PVT1: variants seen among roughly 807,000 people sequenced by gnomAD.
PVT1 encodes Pvt1 oncogene.
At chr8:128,040,746 TTGTG>T (rs766803375) in intron 4 of PVT1, among the ~76,000 whole-genome samples, 6 of 151,908 alleles carry the variant, frequency 3.9e-5, no homozygotes, top group South Asian at 2.1e-4. Context: ...GTGTGAGTGC[TTGTG>T]TGTGTGTATG....
chr8:128,006,125 A>AATG (rs1817243911), intron 4 of PVT1, among the ~76,000 whole-genome samples: 1 of 134,316 alleles, frequency 7.4e-6, no homozygotes, highest in Non-Finnish European at 1.6e-5. Flanking sequence ...TAATAATAAT[A>AATG]ATAATAATAA....
intron 3 of PVT1, among the ~76,000 whole-genome samples, chr8:127,910,071 A>G (rs1815872929): frequency 6.6e-6 from 1 of 152,026 alleles, no homozygotes; most frequent in African/African-American, 2.4e-5. Context: ...AGTGGGGTGC[A>G]GGGAAGGGCC....
intron 2 of PVT1, among the ~76,000 whole-genome samples, chr8:127,852,941 G>A (rs1270620551): frequency 6.6e-6 from 1 of 152,226 alleles, no homozygotes; most frequent in African/African-American, 2.4e-5. Flanking sequence ...TCAGGAAACA[G>A]TGGCTGAGTG....
intron 2 of PVT1, among the ~76,000 whole-genome samples, chr8:127,821,679 G>C (rs1359756945): frequency 6.6e-6 from 1 of 152,080 alleles, no homozygotes. Context: ...GGGCATGGTG[G>C]TGGGCGCCTG....
intron 3 of PVT1, among the ~76,000 whole-genome samples, chr8:127,912,171 A>C (rs1422544991): frequency 6.6e-6 from 1 of 152,240 alleles, no homozygotes; most frequent in Non-Finnish European, 1.5e-5. Context: ...AGCTCAGCCC[A>C]CTGTGCAGAA....
intron 3 of PVT1, among the ~76,000 whole-genome samples, chr8:127,958,445 G>T (rs757206721): frequency 1.3e-5 from 2 of 152,144 alleles, no homozygotes; most frequent in African/African-American, 2.4e-5. Flanking sequence ...TCACCGTGTT[G>T]CCCAGGCTGG....
At chr8:127,979,308 C>T (rs1816858162) in intron 3 of PVT1, among the ~76,000 whole-genome samples, 1 of 152,212 alleles carries the variant, frequency 6.6e-6, no homozygotes, top group African/African-American at 2.4e-5. Context: ...GCTCACTACC[C>T]TTGCTTGTTG....
chr8:128,100,186 C>T (rs1384433703), intron 6 of PVT1, among the ~76,000 whole-genome samples: 3 of 143,590 alleles, frequency 2.1e-5, no homozygotes, highest in Admixed American at 1.5e-4. Flanking sequence ...TTCCTTCCCT[C>T]CTTCCCGAAA....
intron 4 of PVT1, among the ~76,000 whole-genome samples, chr8:128,040,964 T>C (rs562471926): frequency 2.0e-4 from 30 of 151,918 alleles, no homozygotes; most frequent in African/African-American, 7.2e-4. Flanking sequence ...GGTGTGTTTG[T>C]GTGCATATGT....
Position 127,861,041 on chromosome 8 carries a change from A to G in PVT1, n.373-29548A>G, listed in dbSNP as rs550232708. Among the ~76,000 whole-genome samples the G allele has an allele frequency of 2.7e-3, 414 of 151,952 alleles. 2 individuals are homozygous for G. The highest frequency in any genetic ancestry group is 4.6e-3 in the Non-Finnish European group (311 of 67,946). On this transcript the variant is annotated intron_variant and non_coding_transcript_variant, in intron 2 of 10. Transcript: ENST00000651587. Reference sequence around the variant, plus strand: ...ACTGATATCGTGTTGCCTTGGACCTATTACCTCACCTCTTCCTGGTGATTT... The same window carrying G: ...ACTGATATCGTGTTGCCTTGGACCTGTTACCTCACCTCTTCCTGGTGATTT...
At chr8:127,916,670 C>G (rs924847460) in intron 3 of PVT1, among the ~76,000 whole-genome samples, 4 of 152,226 alleles carry the variant, frequency 2.6e-5, no homozygotes, top group Admixed American at 6.5e-5. Flanking sequence ...TTGTCCTCCT[C>G]TCATCCTGGT....
At chr8:127,921,680 G>C (rs974779315) in intron 3 of PVT1, among the ~76,000 whole-genome samples, 1 of 151,802 alleles carries the variant, frequency 6.6e-6, no homozygotes, top group African/African-American at 2.4e-5. Context: ...TGGGCTTTGT[G>C]GTGCATGCCT....
chr8:127,920,113 C>T (rs1176800482), intron 3 of PVT1, among the ~76,000 whole-genome samples: 3 of 152,156 alleles, frequency 2.0e-5, no homozygotes, highest in Non-Finnish European at 2.9e-5. Flanking sequence ...TTGCCTAGGA[C>T]AGCAAAAGTC....
At chr8:127,833,760 C>A (rs1814879068) in intron 2 of PVT1, among the ~76,000 whole-genome samples, 1 of 152,146 alleles carries the variant, frequency 6.6e-6, no homozygotes, top group Admixed American at 6.5e-5. Flanking sequence ...AATGTCTTGG[C>A]CCGAGGGCAT....
chr8:127,915,081 T>C (rs1436585605), intron 3 of PVT1, among the ~76,000 whole-genome samples: 3 of 151,736 alleles, frequency 2.0e-5, no homozygotes, highest in African/African-American at 7.3e-5. Context: ...CACCTCGGCC[T>C]CCCAAAGTGT....
intron 3 of PVT1, among the ~76,000 whole-genome samples, chr8:127,986,334 C>T (rs958000383): frequency 1.3e-5 from 2 of 152,172 alleles, no homozygotes; most frequent in African/African-American, 4.8e-5. Context: ...CTTCAGACGT[C>T]AAAGCACAGC....
In PVT1 at chr8:127,829,419, G is replaced by C. The variant is rs566708465; in HGVS notation, n.372+33348G>C. ...CTTTAAGTTTGTTCTTGAAATGGTTGGTAGCCAGTTCTTCTCTCCTTGGCT... is the reference window on the plus strand; with the variant it reads ...CTTTAAGTTTGTTCTTGAAATGGTTCGTAGCCAGTTCTTCTCTCCTTGGCT... On this transcript the variant is annotated intron_variant and non_coding_transcript_variant, in intron 2 of 10. Coordinates refer to ENST00000651587, the Ensembl canonical transcript of PVT1. Among the ~76,000 whole-genome samples the C allele has an allele frequency of 1.5e-3, 231 of 152,188 alleles. 4 individuals are homozygous for C. Among genetic ancestry groups the C allele is most frequent in the Admixed American group, 1.0e-3 (16 of 15,278 alleles).
At chr8:128,019,812 G>A (rs1056309064) in intron 4 of PVT1, among the ~76,000 whole-genome samples, 6 of 152,164 alleles carry the variant, frequency 3.9e-5, no homozygotes, top group African/African-American at 1.2e-4. Flanking sequence ...CTTGGCACTC[G>A]GAGGCTAGCT....
At chr8:127,846,600 C>T (rs887982210) in intron 2 of PVT1, among the ~76,000 whole-genome samples, 2 of 152,142 alleles carry the variant, frequency 1.3e-5, no homozygotes, top group African/African-American at 2.4e-5. Context: ...AGCTCATGGC[C>T]GAGTGGCAGC....
Sources: gnomAD v4.1 joint callset for allele counts (sites outside exome capture counted in the v4.1 genomes callset) on GRCh38, gnomAD v4.1.1 for gene constraint, MANE v1.5 for transcripts, NCBI Gene and HGNC (gene_info 2026-07-23, HGNC 2026-07-21) for gene names.